The following NUB1 variants were observed in gnomAD, a reference collection of about 807,000 sequenced individuals.
NUB1 encodes the protein NEDD8 ultimate buster 1.
NUB1 carries 41 observed loss-of-function variants against 77.1 expected under a neutral mutation model. The ratio of observed to expected loss-of-function variants is 0.53; its 90% CI spans 0.41 to 0.69. The LOEUF (loss-of-function observed/expected upper bound fraction) is 0.69, where lower values mean the gene tolerates loss of function less well. NUB1 is among the 30% of genes least tolerant of loss of function. The probability of loss-of-function intolerance (pLI) is 0.00; values close to 1 mark genes in which losing one functional copy is unlikely to be tolerated. For missense variants in NUB1, 643 were observed against 743.8 expected, an observed-to-expected ratio of 0.86 and a Z score of 1.58; for synonymous variants, 257 against 281.0, an observed-to-expected ratio of 0.91 and a Z score of 0.85.
chr7:151,355,510 G>A (rs1797023622), intron 5 of NUB1, among the ~76,000 whole-genome samples: 2 of 152,108 alleles, frequency 1.3e-5, no homozygotes, highest in East Asian at 1.9e-4. Flanking sequence ...CCATCACTGC[G>A]AAAAATACAA....
rs1298860887 is a variant in NUB1, at chr7:151,368,765, G to A, written c.1126G>A (p.Asp376Asn). 2 of 1,613,634 alleles carry A rather than the reference G, an allele frequency of 1.2e-6. No individual in the cohort carries two copies. The highest frequency in any genetic ancestry group is 1.3e-5 in the African/African-American group (1 of 74,904). ...ARQLFKELYIDPSKVDNLLQL... is the reference protein window; with the variant it reads ...ARQLFKELYINPSKVDNLLQL... ...TCAGCTCTTTAAAGAGCTATATATT[G>A]ATCCATCAAAAGTGGACAATTTGTT... The change falls in exon 11 of 15, where the codon GAT becomes AAT. Residue 376 changes from aspartate to asparagine, a missense_variant. Asp to Asn is a conservative substitution (Grantham distance 23). Transcript: ENST00000568733.
At chr7:151,369,056 G>A in intron 11 of NUB1, 169 bp downstream of exon 11, 5 of 705,094 alleles carry the variant, frequency 7.1e-6, no homozygotes, top group Middle Eastern at 4.2e-4. Context: ...CATCCAGGCT[G>A]GAGTGCAGTG....
At chr7:151,357,901 C>T (rs141697504) in intron 7 of NUB1, among the ~76,000 whole-genome samples, 8 of 151,232 alleles carry the variant, frequency 5.3e-5, no homozygotes, top group Non-Finnish European at 8.9e-5. Flanking sequence ...TGAGCCACTG[C>T]GCCCGGCCGG....
intron 8 of NUB1, among the ~76,000 whole-genome samples, chr7:151,364,881 T>G (rs1797590239): frequency 6.6e-6 from 1 of 152,206 alleles, no homozygotes; most frequent in Non-Finnish European, 1.5e-5. Context: ...ACGTTTATTT[T>G]AATATCGTCA....
At chr7:151,345,943 T>A (rs1015295802) in intron 2 of NUB1, among the ~76,000 whole-genome samples, 2 of 152,254 alleles carry the variant, frequency 1.3e-5, no homozygotes, top group African/African-American at 4.8e-5. Context: ...CAGTTTTTCA[T>A]GGCATCATCA....
intron 13 of NUB1, 195 bp downstream of exon 13, chr7:151,376,138 G>A: frequency 1.8e-6 from 1 of 549,958 alleles, no homozygotes; most frequent in South Asian, 2.0e-5. Context: ...TTGGAAAGCA[G>A]GAAAACTGGG....
At chr7:151,367,289 A>G (rs1279837571) in intron 9 of NUB1, among the ~76,000 whole-genome samples, 164 bp downstream of exon 9, 1 of 152,250 alleles carries the variant, frequency 6.6e-6, no homozygotes, top group African/African-American at 2.4e-5. Context: ...TCAATGTTTT[A>G]CAAATCTGGC....
chr7:151,362,770 G>A (rs572598242), intron 8 of NUB1, among the ~76,000 whole-genome samples: 1 of 152,204 alleles, frequency 6.6e-6, no homozygotes, highest in Non-Finnish European at 1.5e-5. Context: ...TGAGTCTTCT[G>A]CTCAGTAATG....
intron 8 of NUB1, among the ~76,000 whole-genome samples, chr7:151,362,309 T>G (rs958865340): frequency 3.3e-5 from 5 of 152,108 alleles, no homozygotes; most frequent in African/African-American, 7.2e-5. Flanking sequence ...TAGCATATTT[T>G]TGTGTGTGTG....
chr7:151,347,713 C>G lies in NUB1; in HGVS notation c.118-1360C>G, dbSNP rs2150664355. ...GGGCTTGAGCAATCCTCTCACCTTG[C>G]CTTCCAAAGTGCTGGGATTACAGGC... is the stretch of plus-strand genomic sequence containing the variant. On this transcript the variant is annotated intron_variant, in intron 2 of 14. Coordinates refer to ENST00000568733, the MANE Select transcript of NUB1 (RefSeq NM_001243351.2). Among the ~76,000 whole-genome samples, 4 of 152,326 alleles carry G rather than the reference C, an allele frequency of 2.6e-5. 1 individual carries two copies. Among genetic ancestry groups the G allele is most frequent in the Middle Eastern group, 6.8e-3 (2 of 294 alleles).
chr7:151,377,213 A>AAAG lies in NUB1; in HGVS notation c.1839_1841dup (p.Lys614dup). On this transcript the variant is annotated inframe_insertion, in exon 15 of 15. Transcript: ENST00000568733. ...ATGTAGAAAATAGGAAGTCAGCAACAAAGAAAAACTAAATAATGAACAGAA... is the reference window on the plus strand; with the variant it reads ...ATGTAGAAAATAGGAAGTCAGCAACAAAGAAGAAAAACTAAATAATGAACAGAA... 2 of 1,536,494 alleles carry AAAG rather than the reference A, an allele frequency of 1.3e-6. No homozygotes were observed. Among genetic ancestry groups the AAAG allele is most frequent in the Non-Finnish European group, 1.8e-6 (2 of 1,140,774 alleles).
At chr7:151,377,000 G>C (rs766657793) in intron 14 of NUB1, 47 bp from the exon 15 acceptor site, 2 of 1,482,526 alleles carry the variant, frequency 1.3e-6, no homozygotes, top group Non-Finnish European at 1.8e-6. Context: ...AGTGTCCCCA[G>C]GACAATCCTC....
At position 151,360,254 on chromosome 7, in the gene NUB1, G is replaced by T. The variant is rs750025708; in HGVS notation, c.800+7G>T. 4 of 1,509,156 alleles carry T rather than the reference G, an allele frequency of 2.7e-6. No individual in the cohort carries two copies. The African/African-American group carries it at 4.1e-5, about 16-fold the overall frequency. The allele number at this position is 1,509,156 out of a possible 1,614,324, so 93.5% of individuals were successfully genotyped here. A position where few individuals can be genotyped will look rare whatever the true frequency, so the allele number is the denominator to read the frequency against. On this transcript the variant is annotated splice_region_variant and intron_variant, in intron 8 of 14. Transcript: ENST00000568733. Reference sequence around the variant, plus strand: ...ACGCTGACAAATATTTCTGGTAGGCGCTTTTGTACTTGGTGAACACCAGCT... The same window carrying T: ...ACGCTGACAAATATTTCTGGTAGGCTCTTTTGTACTTGGTGAACACCAGCT...
At chr7:151,362,292 A>T (rs1401786194) in intron 8 of NUB1, among the ~76,000 whole-genome samples, 1 of 152,174 alleles carries the variant, frequency 6.6e-6, no homozygotes, top group African/African-American at 2.4e-5. Flanking sequence ...TATCCTGGCC[A>T]ACTTGTTAGC....
intron 2 of NUB1, among the ~76,000 whole-genome samples, chr7:151,346,113 A>C (rs533784071): frequency 2.0e-5 from 3 of 152,304 alleles, no homozygotes; most frequent in African/African-American, 7.2e-5. Context: ...ATGATGTAAC[A>C]TTTATCAGGG....
At position 151,375,862 on chromosome 7, in the gene NUB1, T is replaced by C; in HGVS notation, c.1410T>C (p.Asn470=). The C allele has an allele frequency of 6.2e-7, 1 of 1,610,888 alleles. No homozygotes were observed. Among genetic ancestry groups the C allele is most frequent in the Non-Finnish European group, 8.5e-7 (1 of 1,177,078 alleles). ...LDEALKILLS[N]PQMWWLNDSN... is the part of the protein sequence containing the mutation. Reference sequence around the variant, plus strand: ...GTGTGTTTTAGATTCTGCTCAGCAATCCTCAGATGTGGTGGTTAAATGATT... The same window carrying C: ...GTGTGTTTTAGATTCTGCTCAGCAACCCTCAGATGTGGTGGTTAAATGATT... The change falls in exon 13 of 15, where the codon AAT becomes AAC. Residue 470 remains asparagine, a synonymous_variant. Coordinates refer to ENST00000568733, the MANE Select transcript of NUB1 (RefSeq NM_001243351.2).
Position 151,356,740 on chromosome 7 carries a change from G to C in NUB1, c.693+518G>C, listed in dbSNP as rs764971533. On this transcript the variant is annotated intron_variant, in intron 7 of 14. Transcript: ENST00000568733. ...TTGTTTGTTTTTTTGTTTTTGAGAC[G>C]GAGTTTTGCTCTTGTTGCTCAGGCT... 5.3e-5 allele frequency among the ~76,000 whole-genome samples: 8 copies of C among 152,094 alleles called. No individual in the cohort carries two copies. In the South Asian group the frequency reaches 1.7e-3, roughly 32 times the overall value.
At chr7:151,351,816 T>C (rs767947887) in intron 4 of NUB1, among the ~76,000 whole-genome samples, 5 of 152,132 alleles carry the variant, frequency 3.3e-5, no homozygotes, top group Non-Finnish European at 5.9e-5. Context: ...ACTAGCTCAT[T>C]AGTTTTGAAT....
At chr7:151,353,652 G>A (rs1023366715) in intron 5 of NUB1, among the ~76,000 whole-genome samples, 5 of 152,198 alleles carry the variant, frequency 3.3e-5, no homozygotes, top group Admixed American at 6.5e-5. Context: ...ACACAATTCT[G>A]TTTGTGTTTT....
Sources: allele counts gnomAD v4.1 joint callset (sites outside exome capture counted in the v4.1 genomes callset), GRCh38; gene constraint gnomAD v4.1.1; transcripts MANE v1.5; gene names NCBI Gene and HGNC (gene_info 2026-07-23, HGNC 2026-07-21).